PTPRD: variants seen among roughly 807,000 people sequenced by gnomAD.
PTPRD encodes protein tyrosine phosphatase receptor type D.
Under a neutral mutation model 214.5 loss-of-function variants are expected in PTPRD, and 34 were observed. The ratio of observed to expected loss-of-function variants is 0.16; its 90% CI spans 0.12 to 0.21. The LOEUF (loss-of-function observed/expected upper bound fraction) is 0.21. Among genes scored for constraint, PTPRD ranks in the 10% least tolerant of loss-of-function variants. PTPRD has a pLI of 1.00. For missense variants in PTPRD, 2,545 were observed against 2,398.7 expected (o/e 1.06, Z -1.27); for synonymous variants, 1,128 against 845.7 (o/e 1.33, Z -5.79).
At chr9:9,475,993 G>A (rs7042181) in intron 8 of PTPRD, among the ~76,000 whole-genome samples, 151,865 of 152,264 alleles carry the variant, frequency 1, 75,734 homozygotes, top group Middle Eastern at 1. Flanking sequence ...ACATTAAAAA[G>A]AGAAAAGAAA....
chr9:9,300,835 T>C lies in PTPRD; in HGVS notation c.-203+96614A>G, dbSNP rs554364900. Among the ~76,000 whole-genome samples the C allele has an allele frequency of 2.0e-5, 3 of 152,002 alleles. No individual in the cohort carries two copies. In the East Asian group the frequency reaches 5.8e-4, roughly 30 times the overall value. On this transcript the variant is annotated intron_variant, in intron 9 of 45. Transcript: ENST00000381196. ...TGTTATATCAATCCATAATGACTAATACAGTAACTCTGCTCATTGAAAATT... is the reference window on the plus strand; with the variant it reads ...TGTTATATCAATCCATAATGACTAACACAGTAACTCTGCTCATTGAAAATT...
At chr9:9,481,117 T>C (rs1269787300) in intron 8 of PTPRD, among the ~76,000 whole-genome samples, 1 of 152,130 alleles carries the variant, frequency 6.6e-6, no homozygotes, top group Non-Finnish European at 1.5e-5. Flanking sequence ...ATAATGATGA[T>C]GATGATGACA....
rs141577064 is a variant in PTPRD, at chr9:10,154,373, T to A, written c.-544-120583A>T. Among the ~76,000 whole-genome samples the A allele has an allele frequency of 5.8e-3, 878 of 152,280 alleles. 7 individuals are homozygous for A. Among genetic ancestry groups the A allele is most frequent in the African/African-American group, 0.016 (678 of 41,570 alleles). On this transcript the variant is annotated intron_variant, in intron 3 of 45. Transcript: ENST00000381196. ...TTATAAATGCTGTATATTAGACCTT[T>A]GTCAAATGTACAATTTGAACAAAAA...
At chr9:9,785,855 G>A (rs951165188) in intron 5 of PTPRD, among the ~76,000 whole-genome samples, 1 of 152,036 alleles carries the variant, frequency 6.6e-6, no homozygotes, top group South Asian at 2.1e-4. Flanking sequence ...TACCATTTTT[G>A]CACAATTCCT....
intron 3 of PTPRD, among the ~76,000 whole-genome samples, chr9:10,038,284 G>C (rs759824940): frequency 6.6e-6 from 1 of 151,846 alleles, no homozygotes; most frequent in African/African-American, 2.4e-5. Context: ...TCTCATGATG[G>C]CCTAATACAA....
chr9:8,833,409 T>G (rs1257579808), intron 11 of PTPRD, among the ~76,000 whole-genome samples: 1 of 152,150 alleles, frequency 6.6e-6, no homozygotes, highest in African/African-American at 2.4e-5. Context: ...GATATGTATT[T>G]TAAATGGTAA....
intron 8 of PTPRD, among the ~76,000 whole-genome samples, chr9:9,423,873 C>T (rs2079792953): frequency 6.6e-6 from 1 of 152,038 alleles, no homozygotes; most frequent in South Asian, 2.1e-4. Flanking sequence ...GAAAAAAATA[C>T]AAAACTTACG....
chr9:9,288,512 T>A (rs916528139), intron 9 of PTPRD, among the ~76,000 whole-genome samples: 4 of 151,828 alleles, frequency 2.6e-5, no homozygotes, highest in African/African-American at 9.7e-5. Flanking sequence ...TCTGTGTGAG[T>A]CTGATAAAAC....
At position 8,375,963 on chromosome 9, in the gene PTPRD, T is replaced by C. The variant is rs867584511; in HGVS notation, c.4634A>G (p.Asp1545Gly). 6.2e-7 allele frequency: 1 copy of C among 1,612,672 alleles called. No individual in the cohort carries two copies. The highest frequency in any genetic ancestry group is 1.7e-4 in the Middle Eastern group (1 of 6,048). The change falls in exon 39 of 46, where the codon GAT (aspartate) becomes GGT (glycine). Residue 1545 changes from aspartate (D) to glycine (G), a missense_variant. Asp to Gly is a moderately conservative substitution (Grantham distance 94). Transcript: ENST00000381196. ...LRRVKTCNPP[D>G]AGPMVVHCSA... ...GCAGTGCACAACCATCGGACCAGCA[T>C]CGGGAGGGTTACAGGTTTTGACTCT... is the stretch of plus-strand genomic sequence containing the variant.
chr9:9,954,745 C>A lies in PTPRD; in HGVS notation c.-471-16135G>T, dbSNP rs376836356. Reference sequence around the variant, plus strand: ...ATATCAATTTCTGTGTATATCCCAGCAATGTTATTTGTGTATAGAAACATA... The same window carrying A: ...ATATCAATTTCTGTGTATATCCCAGAAATGTTATTTGTGTATAGAAACATA... On this transcript the variant is annotated intron_variant, in intron 4 of 45. Transcript: ENST00000381196. Among the ~76,000 whole-genome samples, 12 of 152,064 alleles carry A rather than the reference C, an allele frequency of 7.9e-5. No individual in the cohort carries two copies. In the East Asian group the frequency reaches 2.3e-3, roughly 29 times the overall value.
At chr9:8,875,623 TATAAG>T (rs57635952) in intron 11 of PTPRD, among the ~76,000 whole-genome samples, 67,901 of 151,560 alleles carry the variant, frequency 0.45, 17,065 homozygotes, top group Non-Finnish European at 0.57. Flanking sequence ...AGTTGACAGT[TATAAG>T]ATAAGCAGAT....
intron 8 of PTPRD, among the ~76,000 whole-genome samples, chr9:9,530,018 G>C (rs1034121222): frequency 2.0e-4 from 31 of 152,150 alleles, no homozygotes; most frequent in African/African-American, 6.0e-4. Flanking sequence ...AGTGCTAAGA[G>C]GAGAGTTTAT....
chr9:9,186,936 G>C (rs933667732), intron 9 of PTPRD, among the ~76,000 whole-genome samples: 1 of 151,208 alleles, frequency 6.6e-6, no homozygotes, highest in Non-Finnish European at 1.5e-5. Flanking sequence ...TTACTATATG[G>C]TATCCCTTCT....
At chr9:8,799,578 T>C (rs905959857) in intron 11 of PTPRD, among the ~76,000 whole-genome samples, 8 of 152,248 alleles carry the variant, frequency 5.3e-5, no homozygotes, top group South Asian at 2.1e-4. Flanking sequence ...AGGAAGTTTG[T>C]TGTTATTTCT....
At chr9:10,179,269 G>C (rs2099267886) in intron 3 of PTPRD, among the ~76,000 whole-genome samples, 1 of 151,920 alleles carries the variant, frequency 6.6e-6, no homozygotes, top group Non-Finnish European at 1.5e-5. Context: ...AATTAAATTT[G>C]AGCTGAAAGC....
At chr9:9,442,116 G>A (rs1237719324) in intron 8 of PTPRD, 1 of 152,354 alleles carries the variant, frequency 6.6e-6, no homozygotes, top group Non-Finnish European at 1.5e-5. Context: ...TGAGGCTGGA[G>A]GATCGCTTGA....
chr9:9,813,282 G>A (rs2047720702), intron 5 of PTPRD, among the ~76,000 whole-genome samples: 1 of 151,772 alleles, frequency 6.6e-6, no homozygotes, highest in African/African-American at 2.4e-5. Context: ...TTAGCAGAAA[G>A]AAAATAATGA....
At chr9:10,035,663 C>T (rs958382376) in intron 3 of PTPRD, among the ~76,000 whole-genome samples, 3 of 151,948 alleles carry the variant, frequency 2.0e-5, no homozygotes, top group Admixed American at 1.3e-4. Flanking sequence ...TTCAGCCTTC[C>T]TTCAGTCTCA....
chr9:10,545,667 C>G (rs867926826), intron 2 of PTPRD, among the ~76,000 whole-genome samples: 1 of 152,044 alleles, frequency 6.6e-6, no homozygotes, highest in Admixed American at 6.6e-5. Context: ...AAAGAAATAA[C>G]TGAATGTAGA....
Sources: allele counts gnomAD v4.1 joint callset (sites outside exome capture counted in the v4.1 genomes callset), GRCh38; gene constraint gnomAD v4.1.1; transcripts MANE v1.5; gene names NCBI Gene and HGNC (gene_info 2026-07-23, HGNC 2026-07-21).